UBAC2: variants seen among roughly 807,000 people sequenced by gnomAD.
UBAC2 encodes ubiquitin-associated domain-containing protein 2.
Under a neutral mutation model 44.0 loss-of-function variants are expected in UBAC2, and 26 were observed. The observed-to-expected ratio is 0.59, with a 90% confidence interval of 0.43 to 0.82. UBAC2 has a LOEUF of 0.82. UBAC2 is among the 40% of genes least tolerant of loss of function. UBAC2 has a pLI of 0.00. For missense variants in UBAC2, 329 were observed against 419.4 expected, an observed-to-expected ratio of 0.78 and a Z score of 1.88; for synonymous variants, 155 against 154.3, an observed-to-expected ratio of 1.00 and a Z score of -0.04.
intron 1 of UBAC2, among the ~76,000 whole-genome samples, chr13:99,229,405 T>A (rs2043148119): frequency 6.6e-6 from 1 of 152,172 alleles, no homozygotes; most frequent in Non-Finnish European, 1.5e-5. Context: ...GAAAGCAACA[T>A]GTTCAGGAGG....
At chr13:99,373,785 C>T (rs971269125) in intron 8 of UBAC2, among the ~76,000 whole-genome samples, 23 of 152,076 alleles carry the variant, frequency 1.5e-4, no homozygotes, top group African/African-American at 5.3e-4. Context: ...CAGACAGGCT[C>T]GCCAAGGGTC....
intron 1 of UBAC2, chr13:99,234,294 T>G (rs1272255308): frequency 2.1e-5 from 6 of 283,712 alleles, no homozygotes; most frequent in African/African-American, 1.2e-4. Flanking sequence ...GCGATTCAAG[T>G]GATTCTCCCG....
chr13:99,247,204 T>TG (rs199571345), intron 4 of UBAC2, among the ~76,000 whole-genome samples: 7,688 of 95,510 alleles, frequency 0.08, 264 homozygotes, highest in African/African-American at 0.095. Context: ...TGTTTTTTTT[T>TG]TTTTGTTTTG....
intron 4 of UBAC2, among the ~76,000 whole-genome samples, chr13:99,281,625 A>G (rs1027143741): frequency 2.6e-5 from 4 of 152,230 alleles, no homozygotes; most frequent in African/African-American, 9.7e-5. Flanking sequence ...CTATAAATTG[A>G]TAAAAGAAAA....
intron 8 of UBAC2, among the ~76,000 whole-genome samples, chr13:99,371,570 C>T (rs552745546): frequency 6.6e-6 from 1 of 152,272 alleles, no homozygotes; most frequent in South Asian, 2.1e-4. Context: ...GTTTGTTTAA[C>T]CACTGTCTAA....
intron 4 of UBAC2, chr13:99,294,945 A>T: frequency 8.2e-6 from 10 of 1,221,792 alleles, no homozygotes; most frequent in Non-Finnish European, 1.1e-5. Flanking sequence ...GTGCCCAATG[A>T]AAGAAATATA....
At chr13:99,261,201 G>A (rs557358563) in intron 4 of UBAC2, among the ~76,000 whole-genome samples, 2 of 152,188 alleles carry the variant, frequency 1.3e-5, no homozygotes, top group Non-Finnish European at 2.9e-5. Context: ...ATCCCAGCAG[G>A]GGGACAGTCA....
At chr13:99,318,142 A>T in intron 6 of UBAC2, 73 bp downstream of exon 6, 2 of 1,337,028 alleles carry the variant, frequency 1.5e-6, no homozygotes, top group Non-Finnish European at 1.1e-6. Flanking sequence ...TGTCCTATTT[A>T]GATTGTGCGT....
At chr13:99,346,117 G>A (rs184807783) in intron 7 of UBAC2, among the ~76,000 whole-genome samples, 2 of 152,084 alleles carry the variant, frequency 1.3e-5, no homozygotes, top group African/African-American at 2.4e-5. Flanking sequence ...TTGTTTACCC[G>A]AAAGTCCAAA....
intron 8 of UBAC2, among the ~76,000 whole-genome samples, chr13:99,376,565 G>A (rs1269917113): frequency 2.6e-5 from 4 of 152,212 alleles, no homozygotes; most frequent in African/African-American, 4.8e-5. Flanking sequence ...CCTCACCTCT[G>A]GAAGTCAGGT....
chr13:99,219,253 T>C (rs930659406), intron 1 of UBAC2, among the ~76,000 whole-genome samples: 1 of 152,228 alleles, frequency 6.6e-6, no homozygotes, highest in African/African-American at 2.4e-5. Context: ...TCAGCTAGAA[T>C]GCTTCTGTAA....
intron 4 of UBAC2, chr13:99,255,072 C>T (rs2043520528): frequency 6.2e-7 from 1 of 1,613,844 alleles, no homozygotes; most frequent in Non-Finnish European, 8.5e-7. Flanking sequence ...TAAAGGCTCC[C>T]CAGGGATTGT....
At chr13:99,340,297 C>G (rs746227347) in intron 6 of UBAC2, 23 bp from the exon 7 acceptor site, 54 of 1,586,108 alleles carry the variant, frequency 3.4e-5, no homozygotes, top group Non-Finnish European at 4.6e-5. Flanking sequence ...TTTAAACAAT[C>G]ACATTGGACG....
intron 4 of UBAC2, among the ~76,000 whole-genome samples, chr13:99,253,806 G>A (rs749766483): frequency 6.6e-6 from 1 of 152,128 alleles, no homozygotes; most frequent in Non-Finnish European, 1.5e-5. Flanking sequence ...GAGCCACCAC[G>A]CCCAGCCAGA....
rs751193051 is a variant in UBAC2, at chr13:99,295,759, G to A, written c.390-18338G>A. ...GTAGAGGGTGCACCACAGCAATGAA[G>A]CGGTCAATACTCAGGCAGGTCATAA... On this transcript the variant is annotated intron_variant, in intron 4 of 8. Coordinates refer to ENST00000403766, the MANE Select transcript of UBAC2 (RefSeq NM_001144072.2). This position sits in a 1 kb window ranked among gnomAD's most constrained non-coding sequence, Gnocchi z 4.1. 4 of 1,614,136 alleles carry A rather than the reference G, an allele frequency of 2.5e-6. No individual in the cohort carries two copies. Among genetic ancestry groups the A allele is most frequent in the Non-Finnish European group, 3.4e-6 (4 of 1,180,018 alleles).
At chr13:99,340,636 G>A in intron 7 of UBAC2, 71 bp downstream of exon 7, 2 of 1,510,884 alleles carry the variant, frequency 1.3e-6, no homozygotes, top group Non-Finnish European at 1.8e-6. Flanking sequence ...CTCTGTGATT[G>A]CATGTGAGAT....
chr13:99,262,710 CAAAAAAAAAAAAAAAAAA>C (rs61627160), intron 4 of UBAC2, among the ~76,000 whole-genome samples: 2 of 57,158 alleles, frequency 3.5e-5, no homozygotes, highest in African/African-American at 7.1e-5. Context: ...AACTCCCTCT[CAAAAAAAAAAAAAAAAAA>C]AAAAAAAAAA....
At chr13:99,320,817 A>G (rs934608892) in intron 6 of UBAC2, among the ~76,000 whole-genome samples, 2 of 152,242 alleles carry the variant, frequency 1.3e-5, no homozygotes, top group African/African-American at 2.4e-5. Context: ...ACCACTGACT[A>G]TAGGATCCAA....
chr13:99,346,445 T>C (rs1256181642), intron 7 of UBAC2, among the ~76,000 whole-genome samples: 1 of 152,230 alleles, frequency 6.6e-6, no homozygotes, highest in Admixed American at 6.5e-5. Context: ...GGCTCCTGCC[T>C]GCTATGTGGC....
Sources: gnomAD v4.1 joint callset for allele counts (sites outside exome capture counted in the v4.1 genomes callset) on GRCh38, gnomAD v4.1.1 for gene constraint, Gnocchi (gnomAD v3.1) non-coding constraint, MANE v1.5 for transcripts, NCBI Gene and HGNC (gene_info 2026-07-23, HGNC 2026-07-21) for gene names.